SERINC5: variants seen among roughly 807,000 people sequenced by gnomAD.
SERINC5 encodes chromosome 5 open reading frame 12.
Under a neutral mutation model 63.1 loss-of-function variants are expected in SERINC5, and 41 were observed. That is an observed-to-expected ratio of 0.65 (90% CI 0.51 to 0.84). SERINC5 has a LOEUF of 0.84. SERINC5 is among the 40% of genes least tolerant of loss of function. The probability of loss-of-function intolerance (pLI) is 0.00; values close to 1 mark genes in which losing one functional copy is unlikely to be tolerated. For missense variants in SERINC5, 523 were observed against 573.0 expected, an observed-to-expected ratio of 0.91 and a Z score of 0.89; for synonymous variants, 222 against 215.2, an observed-to-expected ratio of 1.03 and a Z score of -0.28.
intron 1 of SERINC5, among the ~76,000 whole-genome samples, chr5:80,231,753 T>C (rs979406407): frequency 6.6e-6 from 1 of 152,192 alleles, no homozygotes; most frequent in Non-Finnish European, 1.5e-5. Context: ...GAACTGGATA[T>C]TCAAATGCAA....
At chr5:80,160,659 A>G (rs1171046233) in intron 7 of SERINC5, among the ~76,000 whole-genome samples, 1 of 152,088 alleles carries the variant, frequency 6.6e-6, no homozygotes, top group East Asian at 1.9e-4. Context: ...AATAATGTGT[A>G]TTCTACCCAT....
At chr5:80,183,922 A>C (rs1748631970) in intron 2 of SERINC5, among the ~76,000 whole-genome samples, 2 of 152,300 alleles carry the variant, frequency 1.3e-5, no homozygotes, top group South Asian at 4.1e-4. Flanking sequence ...GCAGGCGGGT[A>C]ATGAGAAGTC....
intron 1 of SERINC5, among the ~76,000 whole-genome samples, chr5:80,224,139 AAAAAAAAAAAG>A (rs1751054686): frequency 6.7e-6 from 1 of 149,940 alleles, no homozygotes; most frequent in Non-Finnish European, 1.5e-5. Flanking sequence ...GTCTCAAAAA[AAAAAAAAAAAG>A]AAAAAAGAAA....
At chr5:80,122,804 T>G (rs1303731303) in intron 11 of SERINC5, among the ~76,000 whole-genome samples, 7 of 152,236 alleles carry the variant, frequency 4.6e-5, no homozygotes, top group Admixed American at 3.3e-4. Flanking sequence ...AAAGTGGCCC[T>G]TGCCTAACAG....
intron 8 of SERINC5, 139 bp downstream of exon 8, chr5:80,158,697 G>T (rs529290624): frequency 2.7e-6 from 2 of 739,834 alleles, no homozygotes; most frequent in Non-Finnish European, 4.3e-6. Flanking sequence ...ATGAGTTCAC[G>T]CTCTTCGCCT....
intron 11 of SERINC5, among the ~76,000 whole-genome samples, chr5:80,126,390 T>TTTTC: frequency 6.6e-6 from 1 of 152,198 alleles, no homozygotes; most frequent in Non-Finnish European, 1.5e-5. Flanking sequence ...GTGGTATAAG[T>TTTTC]CAGAATTTCA....
downstream of SERINC5, among the ~76,000 whole-genome samples, chr5:80,138,026 C>T (rs539787362): frequency 6.6e-6 from 1 of 151,916 alleles, no homozygotes; most frequent in South Asian, 2.1e-4. Flanking sequence ...TTGGAGGAAC[C>T]TAGAAGACAC....
intron 8 of SERINC5, among the ~76,000 whole-genome samples, chr5:80,154,316 G>T (rs1036037287): frequency 6.6e-6 from 1 of 152,006 alleles, no homozygotes; most frequent in Non-Finnish European, 1.5e-5. Context: ...AGTAGCTGGG[G>T]TTACAGGCAT....
intron 1 of SERINC5, among the ~76,000 whole-genome samples, chr5:80,254,528 C>A (rs977152716): frequency 6.6e-6 from 1 of 152,160 alleles, no homozygotes; most frequent in East Asian, 1.9e-4. Flanking sequence ...AGGACAGATG[C>A]CCCTAAAGAG....
At chr5:80,148,655 G>A (rs1003357432) in intron 9 of SERINC5, among the ~76,000 whole-genome samples, 11 of 151,000 alleles carry the variant, frequency 7.3e-5, no homozygotes, top group Non-Finnish European at 1.5e-4. Context: ...GTGACAGAGT[G>A]AGGCCCTGTC....
Position 80,141,731 on chromosome 5 carries a change from A to G in SERINC5, c.*1932T>C, listed in dbSNP as rs1454266969. ...TCCCCTAACTGATTCCTCAGGTTAG[A>G]ACACGGCTTTTCATTTTGCGACTCC... is the stretch of plus-strand genomic sequence containing the variant. On this transcript the variant is annotated 3_prime_UTR_variant, in exon 12 of 12. Transcript: ENST00000507668. The G allele has an allele frequency of 1.0e-6, 1 of 985,370 alleles. No individual in the cohort carries two copies. Among genetic ancestry groups the G allele is most frequent in the African/African-American group, 1.7e-5 (1 of 57,240 alleles). 61.0% of individuals were successfully genotyped at this position (985,370 alleles called of 1,614,324 possible).
intron 1 of SERINC5, among the ~76,000 whole-genome samples, chr5:80,249,223 G>A (rs1046440535): frequency 5.9e-5 from 9 of 152,054 alleles, no homozygotes; most frequent in African/African-American, 1.9e-4. Context: ...GCTGAGGCGG[G>A]AGAATGGTGT....
At chr5:80,181,225 A>G (rs767913388) in intron 2 of SERINC5, among the ~76,000 whole-genome samples, 13 of 152,058 alleles carry the variant, frequency 8.5e-5, no homozygotes, top group Non-Finnish European at 1.3e-4. Flanking sequence ...TTTCCTTTAC[A>G]CAAACAAACA....
intron 2 of SERINC5, among the ~76,000 whole-genome samples, chr5:80,198,131 C>A (rs1371657243): frequency 6.6e-6 from 1 of 152,172 alleles, no homozygotes; most frequent in Non-Finnish European, 1.5e-5. Flanking sequence ...AGCCACCACA[C>A]CCGGCCTCTA....
At chr5:80,214,568 A>AAAT (rs1554069224) in intron 1 of SERINC5, among the ~76,000 whole-genome samples, 26,531 of 151,370 alleles carry the variant, frequency 0.18, 2,897 homozygotes, top group African/African-American at 0.31. Flanking sequence ...AACAAAAAAA[A>AAAT]AACGAACAAA....
chr5:80,212,074 AG>A (rs1271132896), intron 1 of SERINC5, among the ~76,000 whole-genome samples: 1 of 152,214 alleles, frequency 6.6e-6, no homozygotes, highest in African/African-American at 2.4e-5. Flanking sequence ...AAACCGTAAA[AG>A]GAAGTGTGAC....
intron 1 of SERINC5, among the ~76,000 whole-genome samples, chr5:80,219,281 G>C (rs946877804): frequency 2.6e-5 from 4 of 152,112 alleles, no homozygotes; most frequent in African/African-American, 9.7e-5. Context: ...TGAAAGTCCT[G>C]GTTTAACAGC....
At chr5:80,244,526 T>C (rs1025191609) in intron 1 of SERINC5, among the ~76,000 whole-genome samples, 1 of 151,982 alleles carries the variant, frequency 6.6e-6, no homozygotes, top group African/African-American at 2.4e-5. Context: ...TACTCTTTTT[T>C]TTATTTTTGG....
At chr5:80,233,337 G>C (rs1335977341) in intron 1 of SERINC5, among the ~76,000 whole-genome samples, 1 of 152,160 alleles carries the variant, frequency 6.6e-6, no homozygotes, top group African/African-American at 2.4e-5. Flanking sequence ...TGAGACAGGA[G>C]AATCACTTGA....
Sources: gnomAD v4.1 joint callset for allele counts (sites outside exome capture counted in the v4.1 genomes callset) on GRCh38, gnomAD v4.1.1 for gene constraint, MANE v1.5 for transcripts, NCBI Gene and HGNC (gene_info 2026-07-23, HGNC 2026-07-21) for gene names.